The following CACNB2 variants were observed in gnomAD, a reference collection of about 807,000 sequenced individuals.
CACNB2 encodes the protein calcium voltage-gated channel auxiliary subunit beta 2.
Under a neutral mutation model 73.3 loss-of-function variants are expected in CACNB2, and 42 were observed. The ratio of observed to expected loss-of-function variants is 0.57; its 90% CI spans 0.45 to 0.74. CACNB2 has a LOEUF of 0.74. Ranked by LOEUF, CACNB2 falls within the 30% of genes least tolerant of loss-of-function variation. CACNB2 has a pLI of 0.00. For synonymous variants in CACNB2, 348 were observed against 310.3 expected, an observed-to-expected ratio of 1.12 and a Z score of -1.28; for missense variants, 940 against 853.0, an observed-to-expected ratio of 1.10 and a Z score of -1.27.
chr10:18,405,739 C>G (rs780794789), intron 3 of CACNB2, among the ~76,000 whole-genome samples: 17 of 152,076 alleles, frequency 1.1e-4, no homozygotes, highest in African/African-American at 1.7e-4. Context: ...GGGTGGATCA[C>G]CTGAGGTCAG....
intron 2 of CACNB2, among the ~76,000 whole-genome samples, chr10:18,211,081 A>G (rs2035297808): frequency 1.3e-5 from 2 of 152,216 alleles, no homozygotes; most frequent in African/African-American, 2.4e-5. Flanking sequence ...GAAGACCTCC[A>G]TGACTATTAG....
In CACNB2 at chr10:18,146,634, C is replaced by A. The variant is rs373594144; in HGVS notation, c.121-4249C>A. On this transcript the variant is annotated intron_variant, in intron 1 of 13. Transcript: ENST00000324631. ...CTGGTATCACAGGTGTCCGCCACCA[C>A]GCCTGGCGAATTTTTTTGTATTTTT... 4.6e-5 allele frequency among the ~76,000 whole-genome samples: 7 copies of A among 152,066 alleles called. No homozygotes were observed. The East Asian group carries it at 1.4e-3, about 29-fold the overall frequency.
intron 2 of CACNB2, among the ~76,000 whole-genome samples, chr10:18,396,355 A>G (rs2132488929): frequency 6.6e-6 from 1 of 152,366 alleles, no homozygotes; most frequent in Non-Finnish European, 1.5e-5. Flanking sequence ...GGTAATTCTA[A>G]ACTGTGAAAA....
chr10:18,523,152 C>A (rs1308420497), intron 9 of CACNB2, among the ~76,000 whole-genome samples: 2 of 152,148 alleles, frequency 1.3e-5, no homozygotes, highest in Non-Finnish European at 2.9e-5. Context: ...CTACTCTGCT[C>A]CATTTAGCTT....
chr10:18,253,915 A>T (rs959312227), intron 2 of CACNB2, among the ~76,000 whole-genome samples: 1 of 152,178 alleles, frequency 6.6e-6, no homozygotes, highest in Non-Finnish European at 1.5e-5. Context: ...AATCTGAATG[A>T]TGGGTACAAT....
chr10:18,385,821 T>G (rs2043209308), intron 2 of CACNB2, among the ~76,000 whole-genome samples: 1 of 152,154 alleles, frequency 6.6e-6, no homozygotes. Context: ...ACTTATTTTT[T>G]TATATGTCCA....
intron 2 of CACNB2, among the ~76,000 whole-genome samples, chr10:18,169,380 G>T (rs932047707): frequency 1.3e-5 from 2 of 151,954 alleles, no homozygotes; most frequent in Non-Finnish European, 2.9e-5. Context: ...TTTACAAATA[G>T]GTTTCTTCTG....
chr10:18,317,991 GA>G (rs1302682332), intron 2 of CACNB2, among the ~76,000 whole-genome samples: 3 of 152,094 alleles, frequency 2.0e-5, no homozygotes, highest in Non-Finnish European at 2.9e-5. Flanking sequence ...AAACAAATGG[GA>G]AAACATTCTA....
At chr10:18,363,775 C>CT (rs573098808) in intron 2 of CACNB2, among the ~76,000 whole-genome samples, 91 of 143,908 alleles carry the variant, frequency 6.3e-4, no homozygotes, top group South Asian at 2.9e-3. Context: ...GAAATCAGTT[C>CT]TTTTTTTTTT....
intron 2 of CACNB2, among the ~76,000 whole-genome samples, chr10:18,358,207 C>T (rs1236307223): frequency 6.6e-6 from 1 of 152,206 alleles, no homozygotes; most frequent in East Asian, 1.9e-4. Context: ...CTGCCTCAGG[C>T]TCCTGAGGAG....
At chr10:18,529,311 CATACACT>C (rs2052769179) in intron 10 of CACNB2, among the ~76,000 whole-genome samples, 1 of 152,064 alleles carries the variant, frequency 6.6e-6, no homozygotes, top group South Asian at 2.1e-4. Flanking sequence ...TTTCATTGAG[CATACACT>C]AGATACCAAA....
At chr10:18,201,932 C>T (rs2034899525) in intron 2 of CACNB2, among the ~76,000 whole-genome samples, 1 of 152,216 alleles carries the variant, frequency 6.6e-6, no homozygotes, top group African/African-American at 2.4e-5. Context: ...TCCCTGTTCT[C>T]TACCTTCTCA....
chr10:18,406,564 T>C (rs1304782089), intron 3 of CACNB2, among the ~76,000 whole-genome samples: 3 of 152,210 alleles, frequency 2.0e-5, no homozygotes, highest in Non-Finnish European at 4.4e-5. Flanking sequence ...GAGAGTCTAA[T>C]GCCTGACGAT....
intron 3 of CACNB2, among the ~76,000 whole-genome samples, chr10:18,497,188 G>A (rs1221332218): frequency 6.8e-6 from 1 of 147,370 alleles, no homozygotes. Context: ...CTCCAGCCTG[G>A]GCTACAAAGT....
At chr10:18,382,565 G>A (rs187393145) in intron 2 of CACNB2, among the ~76,000 whole-genome samples, 86 of 152,150 alleles carry the variant, frequency 5.7e-4, no homozygotes, top group Non-Finnish European at 1.0e-3. Flanking sequence ...ACAGGCCCCA[G>A]TGTGCGTTGT....
At chr10:18,170,467 T>G (rs1308870014) in intron 2 of CACNB2, among the ~76,000 whole-genome samples, 1 of 152,106 alleles carries the variant, frequency 6.6e-6, no homozygotes, top group Non-Finnish European at 1.5e-5. Context: ...GCATTGAGAG[T>G]GAGTCTGTGA....
chr10:18,369,833 G>C (rs1010693531), intron 2 of CACNB2, among the ~76,000 whole-genome samples: 1 of 152,162 alleles, frequency 6.6e-6, no homozygotes, highest in Non-Finnish European at 1.5e-5. Context: ...CTTGAACCTG[G>C]GAGGCAGAGG....
At chr10:18,499,637 A>AGCACT (rs1554831783) in intron 4 of CACNB2, among the ~76,000 whole-genome samples, 1 of 92,540 alleles carries the variant, frequency 1.1e-5, no homozygotes, top group Admixed American at 1.1e-4. Context: ...AAAAAAAAAA[A>AGCACT]AAGAACCTAG....
intron 2 of CACNB2, among the ~76,000 whole-genome samples, chr10:18,255,847 A>G (rs1392225941): frequency 1.3e-5 from 2 of 152,208 alleles, no homozygotes; most frequent in African/African-American, 4.8e-5. Context: ...GTCAATTCTG[A>G]CAAAAAACCT....
Sources: allele counts gnomAD v4.1 joint callset (sites outside exome capture counted in the v4.1 genomes callset), GRCh38; gene constraint gnomAD v4.1.1; transcripts MANE v1.5; gene names NCBI Gene and HGNC (gene_info 2026-07-23, HGNC 2026-07-21).